Variants in ZNF624 observed in about 807,000 individuals in gnomAD.
ZNF624 encodes zinc finger protein 624.
Under a neutral mutation model 74.7 loss-of-function variants are expected in ZNF624, and 43 were observed. That is an observed-to-expected ratio of 0.58 (90% CI 0.45 to 0.74). The LOEUF is 0.74. Ranked by LOEUF, ZNF624 falls within the 30% of genes least tolerant of loss-of-function variation. The pLI is 0.00. For synonymous variants in ZNF624, 331 were observed against 341.3 expected, an observed-to-expected ratio of 0.97 and a Z score of 0.33; for missense variants, 820 against 1,030.0, an observed-to-expected ratio of 0.80 and a Z score of 2.79.
At position 16,630,310 on chromosome 17, in the gene ZNF624, G is replaced by A. The variant is rs144599535; in HGVS notation, c.376+3552C>T. 7.6e-3 allele frequency among the ~76,000 whole-genome samples: 1,137 copies of A among 150,530 alleles called. 20 individuals carry two copies. Among genetic ancestry groups the A allele is most frequent in the African/African-American group, 0.026 (1,057 of 41,132 alleles). On this transcript the variant is annotated intron_variant, in intron 5 of 5. Coordinates refer to ENST00000311331, the MANE Select transcript of ZNF624 (RefSeq NM_020787.4). Reference sequence around the variant, plus strand: ...GGTGGCTATTGCTTGTAATCCCAGCGCTTTGGGAGGCCGAGGTGGGTGGAT... The same window carrying A: ...GGTGGCTATTGCTTGTAATCCCAGCACTTTGGGAGGCCGAGGTGGGTGGAT...
At chr17:16,651,620 C>G (rs1909727012) in intron 1 of ZNF624, among the ~76,000 whole-genome samples, 1 of 152,010 alleles carries the variant, frequency 6.6e-6, no homozygotes, top group Non-Finnish European at 1.5e-5. Context: ...TGTATTGAAG[C>G]CTCAAGGTAA....
intron 3 of ZNF624, among the ~76,000 whole-genome samples, chr17:16,642,274 A>G (rs1328756516): frequency 1.7e-4 from 26 of 152,224 alleles, no homozygotes; most frequent in Admixed American, 1.7e-3. Context: ...TCCAAAACTT[A>G]GTTCAAAGCT....
rs1318658666 is a variant in ZNF624, at chr17:16,624,236, G to A, written c.650C>T (p.Thr217Ile). Reference protein sequence around the residue: ...SILIPEPGIATEELHSRCQTQ... With the variant: ...SILIPEPGIAIEELHSRCQTQ... ...TTGGCATCTGCTGTGAAGCTCTTCT[G>A]TGGCAATGCCTGGTTCTGGAATAAG... Residue 217 changes from threonine (T) to isoleucine (I), a missense_variant, in exon 6 of 6, where the codon ACA becomes ATA. By Grantham distance (89) the Thr-to-Ile change is moderately conservative. Transcript: ENST00000311331. The A allele has an allele frequency of 5.0e-6, 8 of 1,614,158 alleles. No homozygotes were observed. The highest frequency in any genetic ancestry group is 5.9e-6 in the Non-Finnish European group (7 of 1,180,030).
chr17:16,651,945 A>C (rs1392401791), intron 1 of ZNF624, among the ~76,000 whole-genome samples: 1 of 152,186 alleles, frequency 6.6e-6, no homozygotes, highest in Non-Finnish European at 1.5e-5. Context: ...TATAATGTTA[A>C]ATTATATAAT....
chr17:16,641,498 A>G (rs112333602), intron 3 of ZNF624, among the ~76,000 whole-genome samples: 34,942 of 151,980 alleles, frequency 0.23, 4,426 homozygotes, highest in East Asian at 0.35. Flanking sequence ...TGGCCAGGCT[A>G]GTCTCGAACT....
intron 3 of ZNF624, among the ~76,000 whole-genome samples, chr17:16,635,427 T>C (rs1291499036): frequency 6.6e-6 from 1 of 151,968 alleles, no homozygotes; most frequent in Non-Finnish European, 1.5e-5. Context: ...TGAATATTTG[T>C]TTTGTAGACT....
At chr17:16,646,853 T>C (rs1909605443) in intron 3 of ZNF624, among the ~76,000 whole-genome samples, 1 of 152,252 alleles carries the variant, frequency 6.6e-6, no homozygotes, top group African/African-American at 2.4e-5. Context: ...TGAAATGGCC[T>C]ACATTTATCT....
At chr17:16,646,011 CAATTA>C (rs1464533940) in intron 3 of ZNF624, among the ~76,000 whole-genome samples, 6 of 147,278 alleles carry the variant, frequency 4.1e-5, no homozygotes, top group Admixed American at 3.4e-4. Context: ...AATACAAAAC[CAATTA>C]AATTAAATTA....
downstream of ZNF624, among the ~76,000 whole-genome samples, chr17:16,619,227 T>G (rs555030220): frequency 6.6e-6 from 1 of 152,300 alleles, no homozygotes; most frequent in Non-Finnish European, 1.5e-5. Flanking sequence ...AATATTAATT[T>G]CAGATGGATC....
At chr17:16,639,039 G>GT (rs1191087968) in intron 3 of ZNF624, among the ~76,000 whole-genome samples, 1 of 152,168 alleles carries the variant, frequency 6.6e-6, no homozygotes. Context: ...GCACAGAGAT[G>GT]TTAGATGTCT....
chr17:16,648,000 A>G (rs1278211961), intron 2 of ZNF624, among the ~76,000 whole-genome samples: 1 of 151,606 alleles, frequency 6.6e-6, no homozygotes, highest in Non-Finnish European at 1.5e-5. Context: ...CAGTGGGGCG[A>G]TCTTGGCTCA....
At position 16,634,640 on chromosome 17, in the gene ZNF624, C is replaced by A. The variant is rs1393254145; in HGVS notation, c.270G>T (p.Leu90=). The change falls in exon 4 of 6, where the codon CTG becomes CTT. Residue 90 remains leucine (L), a synonymous_variant. Transcript: ENST00000311331. Reference sequence around the variant, plus strand: ...AGAAGTTATCCTTACCCAGGGAGACCAGATTCCTGTAATTCTCTAGCATCA... The same window carrying A: ...AGAAGTTATCCTTACCCAGGGAGACAAGATTCCTGTAATTCTCTAGCATCA... ...KDVMLENYRN[L]VSLGLAVSKP... is the part of the protein sequence containing the mutation. 12 of 1,612,968 alleles carry A rather than the reference C, an allele frequency of 7.4e-6. 1 individual carries two copies. The East Asian group carries it at 2.7e-4, about 36-fold the overall frequency.
the ZNF624 span, among the ~76,000 whole-genome samples, chr17:16,614,682 G>C: frequency 6.6e-6 from 1 of 152,106 alleles, no homozygotes; most frequent in Admixed American, 6.5e-5. Flanking sequence ...ACAAAATAAA[G>C]GGAATCCTCA....
At chr17:16,650,274 C>A (rs1909691134) in intron 1 of ZNF624, among the ~76,000 whole-genome samples, 1 of 152,010 alleles carries the variant, frequency 6.6e-6, no homozygotes, top group South Asian at 2.1e-4. Flanking sequence ...TTTCAGAGAT[C>A]TGTTTCATGT....
chr17:16,632,845 G>A (rs958457851), intron 5 of ZNF624, among the ~76,000 whole-genome samples: 2 of 152,204 alleles, frequency 1.3e-5, no homozygotes, highest in South Asian at 2.1e-4. Flanking sequence ...CCCTGCACAG[G>A]CAGGCTGCTA....
At chr17:16,632,145 A>G (rs1045332871) in intron 5 of ZNF624, among the ~76,000 whole-genome samples, 9 of 152,194 alleles carry the variant, frequency 5.9e-5, no homozygotes, top group Non-Finnish European at 1.0e-4. Flanking sequence ...GGCAGCTATC[A>G]TAATAGTGGC....
At chr17:16,650,201 CAATTA>C (rs1278670311) in intron 1 of ZNF624, among the ~76,000 whole-genome samples, 5 of 152,086 alleles carry the variant, frequency 3.3e-5, no homozygotes, top group Admixed American at 6.5e-5. Flanking sequence ...ACTCATCTAA[CAATTA>C]AATATTCTAA....
chr17:16,635,363 AC>A (rs1442236769), intron 3 of ZNF624, among the ~76,000 whole-genome samples: 1 of 152,212 alleles, frequency 6.6e-6, no homozygotes, highest in Non-Finnish European at 1.5e-5. Context: ...TTTCAATGTT[AC>A]CTATCGGAGA....
At position 16,623,077 on chromosome 17, in the gene ZNF624, C is replaced by T; in HGVS notation, c.1809G>A (p.Gln603=). The T allele has an allele frequency of 6.2e-7, 1 of 1,614,022 alleles. No individual in the cohort carries two copies. Among genetic ancestry groups the T allele is most frequent in the Non-Finnish European group, 8.5e-7 (1 of 1,179,958 alleles). Residue 603 remains glutamine, a synonymous_variant, in exon 6 of 6, where the codon CAG becomes CAA. Coordinates refer to ENST00000311331, the MANE Select transcript of ZNF624 (RefSeq NM_020787.4). The surrounding 1 kb of genome is among the most constrained non-coding windows in gnomAD (Gnocchi z 5.3). Reference sequence around the variant, plus strand: ...ATGGTTTCTCTCCAGTGTGAATTCTCTGATGTACAGTTAAGTGTGATTTTA... The same window carrying T: ...ATGGTTTCTCTCCAGTGTGAATTCTTTGATGTACAGTTAAGTGTGATTTTA... The part of the protein sequence containing the change: ...FRIKSHLTVH[Q]RIHTGEKPYK...
Sources: allele counts gnomAD v4.1 joint callset (sites outside exome capture counted in the v4.1 genomes callset), GRCh38; gene constraint gnomAD v4.1.1; non-coding constraint Gnocchi (gnomAD v3.1); transcripts MANE v1.5; gene names NCBI Gene and HGNC (gene_info 2026-07-23, HGNC 2026-07-21).